Variants in NSD1 observed in about 807,000 individuals in gnomAD.
NSD1 encodes histone-lysine N-methyltransferase, H3 lysine-36 specific.
Under a neutral mutation model 242.7 loss-of-function variants are expected in NSD1, and 26 were observed. The observed-to-expected ratio is 0.11, with a 90% CI of 0.08 to 0.15. The LOEUF (loss-of-function observed/expected upper bound fraction) is 0.15, where lower values mean the gene tolerates loss of function less well. Ranked by LOEUF, NSD1 falls within the 10% of genes least tolerant of loss-of-function variation. The pLI is 1.00. For synonymous variants in NSD1, 1,106 were observed against 1,178.1 expected, an observed-to-expected ratio of 0.94 and a Z score of 1.25; for missense variants, 2,495 against 3,272.8, an observed-to-expected ratio of 0.76 and a Z score of 5.80.
intron 14 of NSD1, chr5:177,266,095 A>G (rs1157915398): frequency 7.1e-6 from 8 of 1,129,172 alleles, no homozygotes; most frequent in African/African-American, 3.0e-5. Context: ...TGGCCGTCAC[A>G]TACAGTGTGG....
intron 4 of NSD1, among the ~76,000 whole-genome samples, chr5:177,207,584 T>C (rs918662132): frequency 4.8e-5 from 7 of 147,282 alleles, no homozygotes; most frequent in Non-Finnish European, 1.0e-4. Context: ...GCCTGGCCTA[T>C]TTATTTAAAT....
chr5:177,198,035 A>G lies in NSD1; in HGVS notation c.1063+6016A>G, dbSNP rs575359417. On this transcript the variant is annotated intron_variant, in intron 3 of 22. Coordinates refer to ENST00000439151, the MANE Select transcript of NSD1 (RefSeq NM_022455.5). ...AATATTAGTCTTATTTTTGAGAAAG[A>G]GTCTTGCTCTGTCACTCAGGCTGGA... is the stretch of plus-strand genomic sequence containing the variant. 1.2e-4 allele frequency among the ~76,000 whole-genome samples: 18 copies of G among 152,032 alleles called. No homozygotes were observed. The South Asian group carries it at 3.3e-3, about 28-fold the overall frequency.
rs528849701 is a variant in NSD1 at position 177,285,559 on chromosome 5, A to G, written c.6151+1631A>G. Among the ~76,000 whole-genome samples, 10 of 75,504 alleles carry G rather than the reference A, an allele frequency of 1.3e-4. No homozygotes were observed. The East Asian group carries it at 2.5e-3, about 19-fold the overall frequency. The allele number at this position is 75,504 out of a possible 152,430, so 49.5% of individuals were successfully genotyped here. ...AGCCCGGGCAACAGAGGGAGATTCC[A>G]TCTCAAAAAAAAAAAAAAAAAAAAA... On this transcript the variant is annotated intron_variant, in intron 20 of 22. Transcript: ENST00000439151.
At chr5:177,277,818 C>T (rs1758521823) in intron 17 of NSD1, among the ~76,000 whole-genome samples, 1 of 152,148 alleles carries the variant, frequency 6.6e-6, no homozygotes, top group Non-Finnish European at 1.5e-5. Flanking sequence ...GCACTCCAGT[C>T]TGGGGGACAG....
intron 5 of NSD1, among the ~76,000 whole-genome samples, chr5:177,213,196 G>T (rs1162611589): frequency 1.3e-5 from 2 of 152,156 alleles, no homozygotes; most frequent in Admixed American, 6.5e-5. Context: ...ATAAAGCAGT[G>T]TGTGTATACA....
intron 9 of NSD1, among the ~76,000 whole-genome samples, chr5:177,245,632 CT>C (rs540362237): frequency 3.9e-3 from 529 of 134,516 alleles, no homozygotes; most frequent in Admixed American, 0.013. Flanking sequence ...GAATTTCTTT[CT>C]TTTTTTTTTT....
intron 2 of NSD1, among the ~76,000 whole-genome samples, chr5:177,159,593 ATT>A (rs61064789): frequency 2.2e-4 from 26 of 118,550 alleles, no homozygotes; most frequent in Non-Finnish European, 1.6e-4. Flanking sequence ...CTAAGTCTGA[ATT>A]TTTTTTTTTT....
chr5:177,215,180 A>G (rs1581338995), intron 5 of NSD1, among the ~76,000 whole-genome samples: 1 of 140,822 alleles, frequency 7.1e-6, no homozygotes, highest in Non-Finnish European at 1.6e-5. Flanking sequence ...CTGGTTTTCA[A>G]TTTTTTTTTT....
chr5:177,247,253 A>G (rs141885024), intron 10 of NSD1, among the ~76,000 whole-genome samples: 208 of 152,282 alleles, frequency 1.4e-3, no homozygotes, highest in African/African-American at 4.8e-3. Context: ...AACATGGTGA[A>G]ACCTCATCTC....
rs370319824 is a variant in NSD1 at position 177,235,960 on chromosome 5, T to A, written c.3921+15T>A. 1.9e-6 allele frequency: 3 copies of A among 1,613,636 alleles called. No homozygotes were observed. The highest frequency in any genetic ancestry group is 1.1e-5 in the South Asian group (1 of 91,058). On this transcript the variant is annotated intron_variant, in intron 6 of 22. Coordinates refer to ENST00000439151, the MANE Select transcript of NSD1 (RefSeq NM_022455.5). ...AGGTGCACAAGGTATGTTGCAAAAT[T>A]TCAGCAAACTTTCACTGGTCCTTAG... is the stretch of plus-strand genomic sequence containing the variant.
chr5:177,256,642 C>T (rs768218802), intron 12 of NSD1, among the ~76,000 whole-genome samples: 2 of 152,208 alleles, frequency 1.3e-5, no homozygotes, highest in Non-Finnish European at 2.9e-5. Flanking sequence ...CCTCTGTCAT[C>T]CATATTTCCT....
chr5:177,235,428 A>G (rs1765368409), intron 5 of NSD1, among the ~76,000 whole-genome samples: 1 of 152,224 alleles, frequency 6.6e-6, no homozygotes, highest in Non-Finnish European at 1.5e-5. Flanking sequence ...CGTTTCAGAT[A>G]AGGCATACTT....
At chr5:177,154,441 T>C (rs1325283188) in intron 2 of NSD1, among the ~76,000 whole-genome samples, 1 of 152,208 alleles carries the variant, frequency 6.6e-6, no homozygotes, top group African/African-American at 2.4e-5. Flanking sequence ...TTTTTACTTT[T>C]AAGCTGACCC....
chr5:177,133,763 T>TGAG (rs1481409616), upstream of NSD1: 5 of 141,164 alleles, frequency 3.5e-5, no homozygotes, highest in South Asian at 2.3e-4. The surrounding 1 kb of genome is among the most constrained non-coding windows in gnomAD (Gnocchi z 6.2). Flanking sequence ...GGTGGGGGTG[T>TGAG]GAGGAGGAGG....
At chr5:177,239,414 A>G (rs1356398218) in intron 7 of NSD1, among the ~76,000 whole-genome samples, 1 of 152,162 alleles carries the variant, frequency 6.6e-6, no homozygotes, top group Non-Finnish European at 1.5e-5. Flanking sequence ...TATGACCATG[A>G]TCCAAGTTCT....
chr5:177,227,512 T>G (rs576835529), intron 5 of NSD1, among the ~76,000 whole-genome samples: 5 of 152,120 alleles, frequency 3.3e-5, no homozygotes, highest in Non-Finnish European at 5.9e-5. Context: ...AGTGATGCGA[T>G]CTTGGCTTAC....
At chr5:177,166,314 G>T (rs964058201) in intron 2 of NSD1, among the ~76,000 whole-genome samples, 4 of 152,022 alleles carry the variant, frequency 2.6e-5, no homozygotes, top group East Asian at 2.0e-4. Flanking sequence ...TTGGGAGGCT[G>T]AGGTGGGCGG....
chr5:177,272,310 A>T (rs1165272015), intron 16 of NSD1, among the ~76,000 whole-genome samples: 1 of 152,068 alleles, frequency 6.6e-6, no homozygotes, highest in Non-Finnish European at 1.5e-5. Context: ...GAAAATTTAG[A>T]TGATTCTCCT....
At chr5:177,263,182 T>G (rs1014175530) in intron 14 of NSD1, among the ~76,000 whole-genome samples, 3 of 152,262 alleles carry the variant, frequency 2.0e-5, no homozygotes, top group Non-Finnish European at 4.4e-5. Context: ...GATCGTCACC[T>G]TGGCAAAATA....
Sources: gnomAD v4.1 joint callset for allele counts (sites outside exome capture counted in the v4.1 genomes callset) on GRCh38, gnomAD v4.1.1 for gene constraint, Gnocchi (gnomAD v3.1) non-coding constraint, MANE v1.5 for transcripts, NCBI Gene and HGNC (gene_info 2026-07-23, HGNC 2026-07-21) for gene names.